The following ANKRD33B variants were observed in gnomAD, a reference collection of about 807,000 sequenced individuals.
ANKRD33B encodes the protein ankyrin repeat domain 33B, also known as ankyrin repeat domain-containing protein 33B.
A neutral mutation model predicts 21.5 loss-of-function variants in ANKRD33B; 6 were observed. The ratio of observed to expected loss-of-function variants is 0.28; its 90% CI spans 0.15 to 0.55. ANKRD33B has a LOEUF of 0.55. Ranked by LOEUF, ANKRD33B falls within the 20% of genes least tolerant of loss-of-function variation. The pLI is 0.94. For synonymous variants in ANKRD33B, 347 were observed against 342.4 expected, an observed-to-expected ratio of 1.01 and a Z score of -0.15; for missense variants, 698 against 747.2, an observed-to-expected ratio of 0.93 and a Z score of 0.77.
intron 2 of ANKRD33B, among the ~76,000 whole-genome samples, chr5:10,622,816 T>TTG (rs1736452746): frequency 2.7e-5 from 4 of 150,532 alleles, no homozygotes; most frequent in Non-Finnish European, 5.9e-5. Context: ...TTATTTTTTT[T>TTG]TTTTTCTGGC....
In ANKRD33B at chr5:10,655,381, T is replaced by C. The variant is rs1030528475; in HGVS notation, c.*5268T>C. The stretch of plus-strand genomic sequence containing the variant: ...GAGGAAATGAATGGGACCTGAAAAG[T>C]GGGTCTGCCACATCCCTGGTAGCCC... On this transcript the variant is annotated 3_prime_UTR_variant, in exon 4 of 4. Coordinates refer to ENST00000296657, the MANE Select transcript of ANKRD33B (RefSeq NM_001164440.2). The C allele has an allele frequency of 6.6e-6, 1 of 152,306 alleles. No individual in the cohort carries two copies. The highest frequency in any genetic ancestry group is 1.5e-5 in the Non-Finnish European group (1 of 68,036). The allele number at this position is 152,306 out of a possible 1,614,324, so 9.4% of individuals were successfully genotyped here.
rs575553208 is a variant in ANKRD33B, at chr5:10,569,938, G to A, written c.366+5105G>A. Among the ~76,000 whole-genome samples the A allele has an allele frequency of 9.8e-5, 15 of 152,294 alleles. No homozygotes were observed. In the East Asian group the frequency reaches 1.7e-3, roughly 18 times the overall value. On this transcript the variant is annotated intron_variant, in intron 1 of 3. Coordinates refer to ENST00000296657, the MANE Select transcript of ANKRD33B (RefSeq NM_001164440.2). The stretch of plus-strand genomic sequence containing the variant: ...GTCACCCAGTCTAGAGTGCAGTGGT[G>A]TGATATCAGCTCACTGCAACCTCCG...
At chr5:10,612,780 T>C (rs1341538441) in intron 1 of ANKRD33B, among the ~76,000 whole-genome samples, 1 of 152,198 alleles carries the variant, frequency 6.6e-6, no homozygotes, top group Non-Finnish European at 1.5e-5. Flanking sequence ...TCTTAAAACA[T>C]CCTGAGATGA....
At chr5:10,569,378 C>T (rs1333684894) in intron 1 of ANKRD33B, among the ~76,000 whole-genome samples, 1 of 152,090 alleles carries the variant, frequency 6.6e-6, no homozygotes, top group Non-Finnish European at 1.5e-5. Flanking sequence ...AGGCAGATCA[C>T]TTGAGCCTAG....
At chr5:10,575,292 G>A (rs1169909233) in intron 1 of ANKRD33B, among the ~76,000 whole-genome samples, 2 of 152,016 alleles carry the variant, frequency 1.3e-5, no homozygotes, top group Admixed American at 1.3e-4. Flanking sequence ...GCGTGGTGGT[G>A]CACGCTTGGA....
chr5:10,641,225 C>CTTCTTCTTCTTCT (rs1553995125), intron 3 of ANKRD33B, among the ~76,000 whole-genome samples: 63 of 77,450 alleles, frequency 8.1e-4, no homozygotes, highest in Non-Finnish European at 1.5e-3. Context: ...TCTTCTTCTT[C>CTTCTTCTTCTTCT]TTTTTTTTTT....
At position 10,576,480 on chromosome 5, in the gene ANKRD33B, T is replaced by A. The variant is rs932308887; in HGVS notation, c.366+11647T>A. Among the ~76,000 whole-genome samples, 1 of 152,104 alleles carries A rather than the reference T, an allele frequency of 6.6e-6. No individual in the cohort carries two copies. The highest frequency in any genetic ancestry group is 1.5e-5 in the Non-Finnish European group (1 of 68,014). ...AACTTTTCTTAGAGTAGAAATCCAG[T>A]TTGTTGGTTGCATGATCCTGGACAA... On this transcript the variant is annotated intron_variant, in intron 1 of 3. Coordinates refer to ENST00000296657, the MANE Select transcript of ANKRD33B (RefSeq NM_001164440.2). This position sits in a 1 kb window ranked among gnomAD's most constrained non-coding sequence, Gnocchi z 4.1.
At chr5:10,577,259 A>G (rs1222332029) in intron 1 of ANKRD33B, among the ~76,000 whole-genome samples, 1 of 152,048 alleles carries the variant, frequency 6.6e-6, no homozygotes, top group Non-Finnish European at 1.5e-5. Flanking sequence ...CCTCCCAAGT[A>G]GCTGGGATTA....
intron 1 of ANKRD33B, among the ~76,000 whole-genome samples, chr5:10,604,739 T>C (rs760054510): frequency 5.3e-5 from 8 of 152,162 alleles, no homozygotes; most frequent in Non-Finnish European, 7.3e-5. Flanking sequence ...CTTTAATGAA[T>C]GATCCAGTTC....
chr5:10,578,977 A>C (rs1256899357), intron 1 of ANKRD33B, among the ~76,000 whole-genome samples: 2 of 152,100 alleles, frequency 1.3e-5, no homozygotes, highest in Non-Finnish European at 2.9e-5. Context: ...CAGCCTGGGC[A>C]ACATGGCGAA....
intron 1 of ANKRD33B, among the ~76,000 whole-genome samples, chr5:10,565,549 C>T (rs1024728476): frequency 1.3e-5 from 2 of 152,240 alleles, no homozygotes; most frequent in Non-Finnish European, 2.9e-5. Context: ...CGGGCATCCA[C>T]CCGGGTAGGG....
chr5:10,606,673 G>T (rs1736051518), intron 1 of ANKRD33B, among the ~76,000 whole-genome samples: 1 of 151,590 alleles, frequency 6.6e-6, no homozygotes, highest in Non-Finnish European at 1.5e-5. Context: ...GGTGGAGGTT[G>T]CAGTGACCTG....
At chr5:10,609,454 AG>A (rs1374206201) in intron 1 of ANKRD33B, among the ~76,000 whole-genome samples, 1 of 152,104 alleles carries the variant, frequency 6.6e-6, no homozygotes, top group Non-Finnish European at 1.5e-5. Flanking sequence ...AGGGAGGCTG[AG>A]GGGGGAGGAT....
Position 10,638,967 on chromosome 5 carries a change from GCGA to G in ANKRD33B, c.637+800_637+802del, listed in dbSNP as rs1560984694. 5.6e-3 allele frequency among the ~76,000 whole-genome samples: 514 copies of G among 92,132 alleles called. 15 individuals are homozygous for G. The highest frequency in any genetic ancestry group is 0.021 in the African/African-American group (476 of 23,084). 60.4% of individuals were successfully genotyped at this position (92,132 alleles called of 152,430 possible). A position where few individuals can be genotyped will look rare whatever the true frequency, so the allele number is the denominator to read the frequency against. On this transcript the variant is annotated intron_variant, in intron 3 of 3. Coordinates refer to ENST00000296657, the MANE Select transcript of ANKRD33B (RefSeq NM_001164440.2). Reference sequence around the variant, plus strand: ...TTAGCGGGTGACGCGGAGTTGCACGGCGATGTTAGCGGGTGACGCGGAGTTGCG... The same window carrying G: ...TTAGCGGGTGACGCGGAGTTGCACGGTGTTAGCGGGTGACGCGGAGTTGCG...
At chr5:10,633,108 TTTTTTTC>T (rs55661329) in intron 2 of ANKRD33B, among the ~76,000 whole-genome samples, 53,039 of 137,644 alleles carry the variant, frequency 0.39, 10,201 homozygotes, top group Middle Eastern at 0.52. Flanking sequence ...TTTTTTTTTT[TTTTTTTC>T]TTTTTGAGAT....
intron 1 of ANKRD33B, among the ~76,000 whole-genome samples, chr5:10,608,196 CAA>C (rs1297621309): frequency 8.8e-5 from 10 of 113,192 alleles, no homozygotes; most frequent in African/African-American, 1.1e-4. Flanking sequence ...TAAAAAAATA[CAA>C]AAAAAAAAAA....
intron 1 of ANKRD33B, among the ~76,000 whole-genome samples, chr5:10,589,707 T>C (rs1489433209): frequency 6.6e-6 from 1 of 152,258 alleles, no homozygotes; most frequent in African/African-American, 2.4e-5. Context: ...CTAAAGTTAT[T>C]ATATTCTGCC....
chr5:10,637,576 T>G (rs1424698990), intron 2 of ANKRD33B, among the ~76,000 whole-genome samples: 1 of 151,982 alleles, frequency 6.6e-6, no homozygotes, highest in African/African-American at 2.4e-5. Flanking sequence ...TGATGATGAC[T>G]TTTTCCTCCC....
chr5:10,602,200 C>T (rs2126569340), intron 1 of ANKRD33B, among the ~76,000 whole-genome samples: 1 of 152,350 alleles, frequency 6.6e-6, no homozygotes, highest in Non-Finnish European at 1.5e-5. Flanking sequence ...CATCCCGGGG[C>T]CTCACCCAGG....
Sources: allele counts gnomAD v4.1 joint callset (sites outside exome capture counted in the v4.1 genomes callset), GRCh38; gene constraint gnomAD v4.1.1; non-coding constraint Gnocchi (gnomAD v3.1); transcripts MANE v1.5; gene names NCBI Gene and HGNC (gene_info 2026-07-23, HGNC 2026-07-21).